FBXO16: variants seen among roughly 807,000 people sequenced by gnomAD.
FBXO16 encodes F-box only protein 16.
Under a neutral mutation model 41.0 loss-of-function variants are expected in FBXO16, and 31 were observed. That is an observed-to-expected ratio of 0.76 (90% CI 0.57 to 1.02). FBXO16 has a LOEUF of 1.02. FBXO16 is among the 50% of genes least tolerant of loss of function. FBXO16 has a pLI of 0.00. For missense variants in FBXO16, 361 were observed against 346.2 expected (o/e 1.04, Z -0.34); for synonymous variants, 133 against 117.8 (o/e 1.13, Z -0.84).
chr8:28,463,327 T>A (rs374165552), intron 4 of FBXO16, among the ~76,000 whole-genome samples: 3 of 151,690 alleles, frequency 2.0e-5, no homozygotes, highest in Non-Finnish European at 4.4e-5. Context: ...TATATGTGTA[T>A]GTGTGTTTGT....
intron 2 of FBXO16, among the ~76,000 whole-genome samples, chr8:28,475,711 C>T (rs772620746): frequency 6.6e-6 from 1 of 152,064 alleles, no homozygotes; most frequent in Non-Finnish European, 1.5e-5. Flanking sequence ...TTTTATCTTC[C>T]CAAGTAGATT....
rs544694051 is a variant in FBXO16, at chr8:28,470,815, C to CT, written c.135+2956dup. 1.1e-3 allele frequency among the ~76,000 whole-genome samples: 167 copies of CT among 152,284 alleles called. 1 individual carries two copies. The highest frequency in any genetic ancestry group is 3.9e-3 in the African/African-American group (161 of 41,562). On this transcript the variant is annotated intron_variant, in intron 3 of 8. Transcript: ENST00000380254. ...TTTTTCTTATTGACTTGTAGGAACT[C>CT]TTTATATATCCTGGATATTAATCAT...
chr8:28,478,390 G>T (rs996944337), intron 2 of FBXO16, among the ~76,000 whole-genome samples: 1 of 152,130 alleles, frequency 6.6e-6, no homozygotes, highest in African/African-American at 2.4e-5. Context: ...CCTGGCGGGG[G>T]TGGGTAGGCA....
chr8:28,457,665 C>G (rs1359203192), intron 4 of FBXO16, among the ~76,000 whole-genome samples: 1 of 152,156 alleles, frequency 6.6e-6, no homozygotes, highest in East Asian at 1.9e-4. Flanking sequence ...CCCATTGATT[C>G]CCTCCCACAA....
At position 28,454,524 on chromosome 8, in the gene FBXO16, C is replaced by G. The variant is rs535149641; in HGVS notation, c.508-2048G>C. 1.5e-4 allele frequency among the ~76,000 whole-genome samples: 22 copies of G among 151,402 alleles called. No individual in the cohort carries two copies. In the East Asian group the frequency reaches 4.1e-3, roughly 28 times the overall value. On this transcript the variant is annotated intron_variant, in intron 5 of 8. Coordinates refer to ENST00000380254, the MANE Select transcript of FBXO16 (RefSeq NM_172366.4). ...CGGGCGGATCACGAGGTCAGAAGAT[C>G]GAGACCATCCTGGCTAACATGGTGA... is the stretch of plus-strand genomic sequence containing the variant.
intron 7 of FBXO16, among the ~76,000 whole-genome samples, chr8:28,430,110 T>C (rs117420904): frequency 0.014 from 2,169 of 152,268 alleles, 14 homozygotes; most frequent in Non-Finnish European, 0.019. Context: ...TCTCACTCGG[T>C]CTCCAAGGCT....
chr8:28,451,934 A>G (rs558734569), intron 6 of FBXO16, among the ~76,000 whole-genome samples: 17 of 150,374 alleles, frequency 1.1e-4, no homozygotes, highest in African/African-American at 3.9e-4. Flanking sequence ...CAGTGAGCTG[A>G]GATTGCACCA....
At chr8:28,487,586 G>T (rs1803622574) in intron 1 of FBXO16, among the ~76,000 whole-genome samples, 1 of 151,846 alleles carries the variant, frequency 6.6e-6, no homozygotes, top group Non-Finnish European at 1.5e-5. Flanking sequence ...TAGAGATGCG[G>T]TTTTCCCCAT....
Position 28,452,428 on chromosome 8 carries a change from T to C in FBXO16, c.556A>G (p.Ser186Gly). Residue 186 changes from serine (S) to glycine (G), a missense_variant, in exon 6 of 9, where the codon AGC becomes GGC. Physicochemically the swap from Ser to Gly is moderately conservative, Grantham distance 56. Coordinates refer to ENST00000380254, the MANE Select transcript of FBXO16 (RefSeq NM_172366.4). ...GACTGTTTTTCCTCTGGAGAATTGCTTGTAACTAGTTGAACGTCAGCGATT... is the reference window on the plus strand; with the variant it reads ...GACTGTTTTTCCTCTGGAGAATTGCCTGTAACTAGTTGAACGTCAGCGATT... ...FVIADVQLVT[S>G]NSPEEKQSPL... The C allele has an allele frequency of 6.2e-7, 1 of 1,614,222 alleles. No individual in the cohort carries two copies. The highest frequency in any genetic ancestry group is 8.5e-7 in the Non-Finnish European group (1 of 1,180,042).
At chr8:28,443,718 G>A (rs1802816546) in intron 7 of FBXO16, among the ~76,000 whole-genome samples, 1 of 152,106 alleles carries the variant, frequency 6.6e-6, no homozygotes, top group South Asian at 2.1e-4. Flanking sequence ...TAGGAGGTCA[G>A]CACGAGATAC....
intron 4 of FBXO16, among the ~76,000 whole-genome samples, chr8:28,462,373 G>T (rs1168329215): frequency 1.3e-5 from 2 of 151,302 alleles, no homozygotes; most frequent in Non-Finnish European, 2.9e-5. Flanking sequence ...CTGCCTCCCA[G>T]GTTCACGCCA....
At chr8:28,475,330 T>C (rs576585761) in intron 2 of FBXO16, among the ~76,000 whole-genome samples, 22 of 152,360 alleles carry the variant, frequency 1.4e-4, no homozygotes, top group East Asian at 1.3e-3. Context: ...AGTTTTGCTC[T>C]TGGCCAGGGA....
At chr8:28,438,396 G>T (rs1267045059) in intron 7 of FBXO16, among the ~76,000 whole-genome samples, 2 of 152,138 alleles carry the variant, frequency 1.3e-5, no homozygotes, top group Non-Finnish European at 2.9e-5. Flanking sequence ...AGAGAAATGG[G>T]GACGGTCAAG....
chr8:28,474,183 G>A (rs1350303573), intron 2 of FBXO16, among the ~76,000 whole-genome samples: 2 of 151,500 alleles, frequency 1.3e-5, no homozygotes, highest in African/African-American at 2.4e-5. Flanking sequence ...AATTAGCCAG[G>A]CGTGGTGGTG....
chr8:28,428,769 G>A (rs376474726), intron 8 of FBXO16, 33 bp from the exon 9 acceptor site: 4 of 1,478,404 alleles, frequency 2.7e-6, no homozygotes, highest in Non-Finnish European at 3.6e-6. Context: ...GAAAGCGAGG[G>A]TTATTGAAAT....
intron 8 of FBXO16, 85 bp downstream of exon 8, chr8:28,429,293 A>G (rs897463242): frequency 6.7e-7 from 1 of 1,486,182 alleles, no homozygotes; most frequent in East Asian, 2.3e-5. Context: ...TGTTCCCATA[A>G]TTTACACTCT....
intron 7 of FBXO16, among the ~76,000 whole-genome samples, chr8:28,444,135 G>A (rs1802823183): frequency 6.6e-6 from 1 of 151,966 alleles, no homozygotes; most frequent in South Asian, 2.1e-4. Flanking sequence ...TGTATCAAAT[G>A]AATACATGAT....
rs562253850 is a variant in FBXO16 at position 28,474,147 on chromosome 8, G to A, written c.100-340C>T. On this transcript the variant is annotated intron_variant, in intron 2 of 8. Transcript: ENST00000380254. ...AAAAGCAGCCTGGGCAACATGGTGA[G>A]ACTCTATCTCTACAAAAATACAAAA... Among the ~76,000 whole-genome samples the A allele has an allele frequency of 3.3e-5, 5 of 151,666 alleles. No individual in the cohort carries two copies. The East Asian group carries it at 9.7e-4, about 29-fold the overall frequency.
intron 3 of FBXO16, among the ~76,000 whole-genome samples, chr8:28,471,600 AGG>A (rs1231079305): frequency 2.6e-5 from 4 of 152,082 alleles, no homozygotes; most frequent in African/African-American, 7.2e-5. Context: ...GGGTTTTTGC[AGG>A]GGTACATAGG....
Sources: allele counts gnomAD v4.1 joint callset (sites outside exome capture counted in the v4.1 genomes callset), GRCh38; gene constraint gnomAD v4.1.1; transcripts MANE v1.5; gene names NCBI Gene and HGNC (gene_info 2026-07-23, HGNC 2026-07-21).